The following PHF24 variants were observed in gnomAD, a reference collection of about 807,000 sequenced individuals.
PHF24 encodes Galpha inhibitory interacting protein.
In PHF24, 25 loss-of-function variants were observed where a neutral mutation model predicts 42.6. The observed-to-expected ratio is 0.59, with a 90% CI of 0.43 to 0.82. PHF24 has a LOEUF of 0.82. PHF24 is among the 40% of genes least tolerant of loss of function. PHF24 has a pLI of 0.00. For missense variants in PHF24, 470 were observed against 538.1 expected, an observed-to-expected ratio of 0.87 and a Z score of 1.25; for synonymous variants, 185 against 204.8, an observed-to-expected ratio of 0.90 and a Z score of 0.83.
chr9:34,865,795 T>C, the PHF24 span, among the ~76,000 whole-genome samples: 4 of 152,220 alleles, frequency 2.6e-5, no homozygotes, highest in African/African-American at 4.8e-5. Flanking sequence ...TCAGTGATTG[T>C]TGGCAAGATT....
the PHF24 span, among the ~76,000 whole-genome samples, chr9:34,944,403 T>C: frequency 6.6e-6 from 1 of 152,248 alleles, no homozygotes; most frequent in Non-Finnish European, 1.5e-5. Context: ...GGTCTATCAC[T>C]TCCTGGCCAG....
At chr9:34,944,640 A>G in the PHF24 span, among the ~76,000 whole-genome samples, 1 of 152,216 alleles carries the variant, frequency 6.6e-6, no homozygotes, top group Non-Finnish European at 1.5e-5. Context: ...TCTGTATGCC[A>G]TATGCCAGGG....
the PHF24 span, among the ~76,000 whole-genome samples, chr9:34,914,269 T>TGTAA: frequency 6.6e-6 from 1 of 152,220 alleles, no homozygotes; most frequent in African/African-American, 2.4e-5. Context: ...TACCTGGAAA[T>TGTAA]GTAAGTCTCA....
At chr9:34,721,527 C>T in the PHF24 span, among the ~76,000 whole-genome samples, 2 of 152,132 alleles carry the variant, frequency 1.3e-5, no homozygotes, top group Non-Finnish European at 2.9e-5. Flanking sequence ...TGATTCTCCT[C>T]AGCCTCCTGA....
the PHF24 span, among the ~76,000 whole-genome samples, chr9:34,943,989 T>A: frequency 1.3e-5 from 2 of 152,354 alleles, no homozygotes; most frequent in South Asian, 4.1e-4. Context: ...CCATAAGACA[T>A]AATCAACTGG....
intron 1 of PHF24, among the ~76,000 whole-genome samples, chr9:34,959,139 G>A (rs895103161): frequency 6.6e-6 from 1 of 152,246 alleles, no homozygotes; most frequent in African/African-American, 2.4e-5. Flanking sequence ...GCCCTAAGCC[G>A]AGGATGAGGA....
intron 3 of PHF24, among the ~76,000 whole-genome samples, chr9:34,972,868 C>T (rs949140108): frequency 1.4e-5 from 2 of 147,134 alleles, no homozygotes; most frequent in African/African-American, 2.5e-5. Context: ...GAGCCGAAAT[C>T]GCGCCACTGC....
At chr9:34,865,591 TA>T in the PHF24 span, among the ~76,000 whole-genome samples, 5 of 151,290 alleles carry the variant, frequency 3.3e-5, no homozygotes, top group Admixed American at 1.3e-4. Flanking sequence ...ATAAAAATAA[TA>T]AAAAAAATAA....
intron 1 of PHF24, among the ~76,000 whole-genome samples, chr9:34,960,487 A>C (rs750601387): frequency 2.6e-5 from 4 of 152,176 alleles, no homozygotes; most frequent in Non-Finnish European, 5.9e-5. Flanking sequence ...AGTTGTTTAT[A>C]ATCCCCCTTT....
At chr9:34,677,179 TC>T in the PHF24 span, among the ~76,000 whole-genome samples, 1 of 152,180 alleles carries the variant, frequency 6.6e-6, no homozygotes, top group Non-Finnish European at 1.5e-5. Flanking sequence ...CCCTGGTTTT[TC>T]CCTTGCCCTT....
At chr9:34,763,288 A>C in the PHF24 span, among the ~76,000 whole-genome samples, 9 of 152,264 alleles carry the variant, frequency 5.9e-5, no homozygotes, top group East Asian at 3.9e-4. Context: ...TTACCTTGGG[A>C]AGTATGGCCA....
At chr9:34,821,528 G>A in the PHF24 span, among the ~76,000 whole-genome samples, 3 of 152,262 alleles carry the variant, frequency 2.0e-5, no homozygotes, top group Non-Finnish European at 2.9e-5. Context: ...GTATATGTAC[G>A]TCTCCTATTT....
exon 8 of PHF24, chr9:34,981,142 T>C (rs1827377045): frequency 6.6e-6 from 1 of 152,244 alleles, no homozygotes; most frequent in Non-Finnish European, 1.5e-5. Flanking sequence ...CCTCTTCATT[T>C]GAGGACACCT....
chr9:34,803,599 T>C, the PHF24 span, among the ~76,000 whole-genome samples: 1 of 152,202 alleles, frequency 6.6e-6, no homozygotes, highest in East Asian at 1.9e-4. Context: ...GCTATTCTTC[T>C]GGGTGTATGG....
chr9:34,797,696 G>C, the PHF24 span, among the ~76,000 whole-genome samples: 1 of 151,636 alleles, frequency 6.6e-6, no homozygotes, highest in African/African-American at 2.4e-5. Flanking sequence ...ATGTCCAGCA[G>C]CTTGTGTGTC....
At chr9:34,737,943 T>C in the PHF24 span, among the ~76,000 whole-genome samples, 1 of 151,656 alleles carries the variant, frequency 6.6e-6, no homozygotes, top group Admixed American at 6.5e-5. Flanking sequence ...AAAGGCAATA[T>C]GGCTTTTGTC....
the PHF24 span, among the ~76,000 whole-genome samples, chr9:34,846,816 A>G: frequency 6.6e-6 from 1 of 152,160 alleles, no homozygotes; most frequent in Admixed American, 6.5e-5. Flanking sequence ...CTTTCTACAT[A>G]TGGCTAGCCA....
the PHF24 span, among the ~76,000 whole-genome samples, chr9:34,952,607 G>C: frequency 2.6e-5 from 4 of 152,130 alleles, no homozygotes; most frequent in African/African-American, 9.7e-5. Context: ...CTGATTTTAA[G>C]ACTTACTAAA....
At chr9:34,883,650 C>G in the PHF24 span, among the ~76,000 whole-genome samples, 2 of 152,184 alleles carry the variant, frequency 1.3e-5, no homozygotes, top group Non-Finnish European at 2.9e-5. Context: ...AAATGCAAAT[C>G]AATACCACAA....
Sources: gnomAD v4.1 joint callset for allele counts (sites outside exome capture counted in the v4.1 genomes callset) on GRCh38, gnomAD v4.1.1 for gene constraint, MANE v1.5 for transcripts, NCBI Gene and HGNC (gene_info 2026-07-23, HGNC 2026-07-21) for gene names.